SPRY1: variants seen among roughly 807,000 people sequenced by gnomAD.
SPRY1 encodes protein sprouty homolog 1.
In SPRY1, 20 loss-of-function variants were observed where a neutral mutation model predicts 22.6. The ratio of observed to expected loss-of-function variants is 0.89; its 90% CI spans 0.62 to 1.29. The LOEUF (loss-of-function observed/expected upper bound fraction) is 1.29, where lower values mean the gene tolerates loss of function less well. Ranked by LOEUF, SPRY1 falls within the 50% of genes most tolerant of loss-of-function variation. The probability of loss-of-function intolerance (pLI) is 0.00; values close to 1 mark genes in which losing one functional copy is unlikely to be tolerated. For synonymous variants in SPRY1, 155 were observed against 144.7 expected, an observed-to-expected ratio of 1.07 and a Z score of -0.51; for missense variants, 446 against 387.7, an observed-to-expected ratio of 1.15 and a Z score of -1.26.
At position 123,403,608 on chromosome 4, in the gene SPRY1, CTA is replaced by C. The variant is rs1491582850; in HGVS notation, c.*1059_*1060del. 2 of 167,046 alleles carry C rather than the reference CTA, an allele frequency of 1.2e-5. No individual in the cohort carries two copies. Among genetic ancestry groups the C allele is most frequent in the African/African-American group, 2.4e-5 (1 of 41,532 alleles). 10.3% of individuals were successfully genotyped at this position (167,046 alleles called of 1,614,324 possible). ...TAAAGAATATTTATTATGCGAATCT[CTA>C]TTATTTTATGGTATTTATTGCAAAA... is the stretch of plus-strand genomic sequence containing the variant. On this transcript the variant is annotated 3_prime_UTR_variant, in exon 3 of 3. Coordinates refer to ENST00000651917, the MANE Select transcript of SPRY1 (RefSeq NM_001258038.2).
In SPRY1 at chr4:123,402,988, C is replaced by T. The variant is rs1725234021; in HGVS notation, c.*437C>T. 8 of 418,312 alleles carry T rather than the reference C, an allele frequency of 1.9e-5. No homozygotes were observed. Among genetic ancestry groups the T allele is most frequent in the Admixed American group, 1.2e-4 (3 of 24,766 alleles). The allele number at this position is 418,312 out of a possible 1,614,324, so 25.9% of individuals were successfully genotyped here. A position where few individuals can be genotyped will look rare whatever the true frequency, so the allele number is the denominator to read the frequency against. Reference sequence around the variant, plus strand: ...TAAATAAGCTATGTATTAAATCTGTCTCCAGTTAGGGCTATCTTCCTAGCA... The same window carrying T: ...TAAATAAGCTATGTATTAAATCTGTTTCCAGTTAGGGCTATCTTCCTAGCA... On this transcript the variant is annotated 3_prime_UTR_variant, in exon 3 of 3. Transcript: ENST00000651917.
chr4:123,398,908 C>T (rs1203381009), intron 2 of SPRY1, among the ~76,000 whole-genome samples: 1 of 152,026 alleles, frequency 6.6e-6, no homozygotes, highest in Non-Finnish European at 1.5e-5. Flanking sequence ...GAGTGTGCCT[C>T]AAGCAGGGGG....
At position 123,402,429 on chromosome 4, in the gene SPRY1, C is replaced by G; in HGVS notation, c.838C>G (p.Leu280Val). 3 of 1,614,124 alleles carry G rather than the reference C, an allele frequency of 1.9e-6. No homozygotes were observed. Among genetic ancestry groups the G allele is most frequent in the Middle Eastern group, 1.6e-4 (1 of 6,062 alleles). ...CTGTTATCCTCCTGCTAAAGGATGC[C>G]TGAAGCTGTGCAGGAGGTGTTATGA... ...LLCYPPAKGC[L>V]KLCRRCYDWI... Residue 280 changes from leucine (L) to valine (V), a missense_variant, in exon 3 of 3, where the codon CTG (leucine) becomes GTG (valine). Transcript: ENST00000651917.
At chr4:123,401,507 C>G in intron 2 of SPRY1, 30 bp from the exon 3 acceptor site, 1 of 1,436,502 alleles carries the variant, frequency 7.0e-7, no homozygotes, top group East Asian at 2.7e-5. Flanking sequence ...CATTTATTTT[C>G]TGTTTTTTTC....
At chr4:123,400,855 C>T (rs1424529844) in intron 2 of SPRY1, among the ~76,000 whole-genome samples, 8 of 152,074 alleles carry the variant, frequency 5.3e-5, no homozygotes, top group Non-Finnish European at 1.2e-4. Context: ...CTGGACTATA[C>T]ATTGAGTCTT....
chr4:123,398,260 C>G (rs1246584944), intron 2 of SPRY1: 3 of 152,062 alleles, frequency 2.0e-5, no homozygotes, highest in Non-Finnish European at 2.9e-5. Flanking sequence ...CCGGCGAGCA[C>G]CAGCCGTGAC....
At chr4:123,398,639 A>AG (rs1170468264) in intron 2 of SPRY1, 138 of 150,664 alleles carry the variant, frequency 9.2e-4, no homozygotes, top group African/African-American at 3.2e-3. Context: ...AGAGGAGGGG[A>AG]GGGGAGGGAC....
chr4:123,397,036 T>G (rs751488778), intron 1 of SPRY1, 104 bp downstream of exon 1: 22 of 152,252 alleles, frequency 1.4e-4, no homozygotes, highest in Non-Finnish European at 2.2e-4. Flanking sequence ...GCTTTCCAGC[T>G]AAGGTTACTG....
In SPRY1 at chr4:123,400,597, G is replaced by T. The variant is rs182178424; in HGVS notation, c.-55-940G>T. On this transcript the variant is annotated intron_variant, in intron 2 of 2. Coordinates refer to ENST00000651917, the MANE Select transcript of SPRY1 (RefSeq NM_001258038.2). ...ATTTTTATCTGGATATTAGTGTGCT[G>T]ATTTTGTTACAAGAAGAACGTTGAA... Among the ~76,000 whole-genome samples, 9 of 152,290 alleles carry T rather than the reference G, an allele frequency of 5.9e-5. No individual in the cohort carries two copies. The East Asian group carries it at 1.7e-3, about 29-fold the overall frequency.
chr4:123,402,921 A>G lies in SPRY1; in HGVS notation c.*370A>G, dbSNP rs1456875486. 3 of 431,710 alleles carry G rather than the reference A, an allele frequency of 6.9e-6. No homozygotes were observed. The highest frequency in any genetic ancestry group is 6.8e-5 in the East Asian group (2 of 29,482). The allele number at this position is 431,710 out of a possible 1,614,324, so 26.7% of individuals were successfully genotyped here. On this transcript the variant is annotated 3_prime_UTR_variant, in exon 3 of 3. Transcript: ENST00000651917. Reference sequence around the variant, plus strand: ...AGTTGTTTTGATTGGGTACCGTGGGAGCAGGGAAATTGGTTTTTTAAAAAG... The same window carrying G: ...AGTTGTTTTGATTGGGTACCGTGGGGGCAGGGAAATTGGTTTTTTAAAAAG...
chr4:123,397,560 C>T (rs558000940), intron 1 of SPRY1, 51 bp from the exon 2 acceptor site: 9 of 152,306 alleles, frequency 5.9e-5, no homozygotes, highest in African/African-American at 1.7e-4. Flanking sequence ...GGTCCCAGCC[C>T]TTCGAAGAAA....
chr4:123,402,588 T>G lies in SPRY1; in HGVS notation c.*37T>G. ...GGGTTGTACCTCCTGAACTTTTAGC[T>G]TTCAAGTTGTGGCTGTTTTTTGTTT... On this transcript the variant is annotated 3_prime_UTR_variant, in exon 3 of 3. Coordinates refer to ENST00000651917, the MANE Select transcript of SPRY1 (RefSeq NM_001258038.2). The G allele has an allele frequency of 6.5e-7, 1 of 1,545,874 alleles. No homozygotes were observed. The highest frequency in any genetic ancestry group is 8.7e-7 in the Non-Finnish European group (1 of 1,149,118).
rs1198008341 is a variant in SPRY1 at position 123,397,633 on chromosome 4, G to A, written c.-279G>A. On this transcript the variant is annotated 5_prime_UTR_variant, in exon 2 of 3. Transcript: ENST00000651917. ...CAGGCATTTCGGCCGTGGAACCCCA[G>A]GCTCGGAGGACTGGGTGTGAGCGCT... is the stretch of plus-strand genomic sequence containing the variant. The A allele has an allele frequency of 2.6e-5, 4 of 152,064 alleles. No individual in the cohort carries two copies. The highest frequency in any genetic ancestry group is 9.7e-5 in the African/African-American group (4 of 41,404). The allele number at this position is 152,064 out of a possible 1,614,324, so 9.4% of individuals were successfully genotyped here. A position where few individuals can be genotyped will look rare whatever the true frequency, so the allele number is the denominator to read the frequency against.
At chr4:123,401,516 T>C in intron 2 of SPRY1, 21 bp from the exon 3 acceptor site, 1 of 1,537,376 alleles carries the variant, frequency 6.5e-7, no homozygotes, top group South Asian at 1.3e-5. Flanking sequence ...TCTGTTTTTT[T>C]CATCTTTGAT....
At chr4:123,398,868 TG>T (rs1232952421) in intron 2 of SPRY1, among the ~76,000 whole-genome samples, 1 of 152,046 alleles carries the variant, frequency 6.6e-6, no homozygotes, top group African/African-American at 2.4e-5. Context: ...CAGGCGGCTC[TG>T]GGGATGTCCC....
chr4:123,401,517 C>A lies in SPRY1; in HGVS notation c.-55-20C>A, dbSNP rs1725150624. 1.3e-6 allele frequency: 2 copies of A among 1,507,988 alleles called. No individual in the cohort carries two copies. The highest frequency in any genetic ancestry group is 2.2e-5 in the Admixed American group (1 of 45,016). 93.4% of individuals were successfully genotyped at this position (1,507,988 alleles called of 1,614,324 possible). A position where few individuals can be genotyped will look rare whatever the true frequency, so the allele number is the denominator to read the frequency against. On this transcript the variant is annotated intron_variant, in intron 2 of 2. Coordinates refer to ENST00000651917, the MANE Select transcript of SPRY1 (RefSeq NM_001258038.2). ...CCTGTCATTTATTTTCTGTTTTTTT[C>A]ATCTTTGATTTCGTTTTAGGATTTC...
At chr4:123,398,719 G>A (rs564939269) in intron 2 of SPRY1, among the ~76,000 whole-genome samples, 194 of 152,250 alleles carry the variant, frequency 1.3e-3, no homozygotes, top group African/African-American at 4.5e-3. Context: ...GGGGCTCAAG[G>A]TTGGGTGGCG....
At chr4:123,401,449 A>G (rs963658507) in intron 2 of SPRY1, 88 bp from the exon 3 acceptor site, 40 of 1,197,402 alleles carry the variant, frequency 3.3e-5, no homozygotes, top group Non-Finnish European at 4.5e-5. Context: ...GGTTTAGGCA[A>G]TTTGTGATTT....
intron 2 of SPRY1, chr4:123,398,286 C>A (rs1025541461): frequency 1.3e-5 from 2 of 152,086 alleles, no homozygotes; most frequent in Non-Finnish European, 2.9e-5. Context: ...CGGGCCCGGC[C>A]GCGCGGAGCC....
Sources: allele counts gnomAD v4.1 joint callset (sites outside exome capture counted in the v4.1 genomes callset), GRCh38; gene constraint gnomAD v4.1.1; transcripts MANE v1.5; gene names NCBI Gene and HGNC (gene_info 2026-07-23, HGNC 2026-07-21).